RPAP3: variants seen among roughly 807,000 people sequenced by gnomAD.
RPAP3 encodes the protein RNA polymerase II associated protein 3.
Under a neutral mutation model 88.8 loss-of-function variants are expected in RPAP3, and 58 were observed. That is an observed-to-expected ratio of 0.65 (90% CI 0.53 to 0.81). The LOEUF (loss-of-function observed/expected upper bound fraction) is 0.81. RPAP3 is among the 40% of genes least tolerant of loss of function. The probability of loss-of-function intolerance (pLI) is 0.00; values close to 1 mark genes in which losing one functional copy is unlikely to be tolerated. For synonymous variants in RPAP3, 255 were observed against 259.9 expected (o/e 0.98, Z 0.18); for missense variants, 751 against 764.3 (o/e 0.98, Z 0.20).
At chr12:47,672,918 A>T (rs768767045) in intron 12 of RPAP3, among the ~76,000 whole-genome samples, 2 of 152,232 alleles carry the variant, frequency 1.3e-5, no homozygotes, top group Non-Finnish European at 2.9e-5. Context: ...TCACGTGGCA[A>T]TGTCTTTATA....
intron 7 of RPAP3, among the ~76,000 whole-genome samples, chr12:47,688,654 A>C (rs1939371272): frequency 6.6e-6 from 1 of 152,206 alleles, no homozygotes. Context: ...TCTCAAATTC[A>C]ATATTCACAG....
At chr12:47,703,659 C>T (rs1258003040) in intron 1 of RPAP3, among the ~76,000 whole-genome samples, 1 of 151,934 alleles carries the variant, frequency 6.6e-6, no homozygotes, top group Non-Finnish European at 1.5e-5. Flanking sequence ...CAAAGGGGCC[C>T]GCCAAGTGAC....
In RPAP3 at chr12:47,696,391, A is replaced by G; in HGVS notation, c.430T>C (p.Phe144Leu). Reference sequence around the variant, plus strand: ...GCTTCATCATATTTTCCTTGTTTGAAGTATTTATTGCCCTGAAAGAAAATT... The same window carrying G: ...GCTTCATCATATTTTCCTTGTTTGAGGTATTTATTGCCCTGAAAGAAAATT... ...LVLKEKGNKY[F>L]KQGKYDEAID... Residue 144 changes from phenylalanine (F) to leucine (L), a missense_variant, in exon 5 of 17, where the codon TTC becomes CTC. Phe to Leu is a conservative substitution (Grantham distance 22). Transcript: ENST00000005386. 1 of 1,580,354 alleles carries G rather than the reference A, an allele frequency of 6.3e-7. No homozygotes were observed. The highest frequency in any genetic ancestry group is 8.6e-7 in the Non-Finnish European group (1 of 1,161,472).
At chr12:47,697,533 G>A (rs1043653339) in intron 4 of RPAP3, 64 bp downstream of exon 4, 17 of 1,448,222 alleles carry the variant, frequency 1.2e-5, no homozygotes, top group Middle Eastern at 1.9e-4. Flanking sequence ...GAAACTTTAC[G>A]ATCCACATGA....
At position 47,670,240 on chromosome 12, in the gene RPAP3, GATTA is replaced by G; in HGVS notation, c.1389_1392del (p.Asn464Ter). 1.2e-6 allele frequency: 2 copies of G among 1,613,166 alleles called. No individual in the cohort carries two copies. Among genetic ancestry groups the G allele is most frequent in the Non-Finnish European group, 1.7e-6 (2 of 1,179,222 alleles). On this transcript the variant is annotated frameshift_variant, in exon 13 of 17. Transcript: ENST00000005386. LOFTEE classifies it high-confidence loss of function. ...CCTGTGGCTGCTATTACATTTGCTA[GATTA>G]ATAGGATTATTCTCTGGAGCAGCAG...
rs144717511 is a variant in RPAP3, at chr12:47,689,651, T to C, written c.668-456A>G. ...ACTGTGCAGAGCCAAGCCACTGAACTTTCTTCTTCTCCCCCCAGGGCAGAC... is the reference window on the plus strand; with the variant it reads ...ACTGTGCAGAGCCAAGCCACTGAACCTTCTTCTTCTCCCCCCAGGGCAGAC... On this transcript the variant is annotated intron_variant, in intron 6 of 16. Transcript: ENST00000005386. Among the ~76,000 whole-genome samples, 23 of 143,916 alleles carry C rather than the reference T, an allele frequency of 1.6e-4. No individual in the cohort carries two copies. In the East Asian group the frequency reaches 4.0e-3, roughly 25 times the overall value. 94.4% of individuals were successfully genotyped at this position (143,916 alleles called of 152,430 possible). A position where few individuals can be genotyped will look rare whatever the true frequency, so the allele number is the denominator to read the frequency against.
Position 47,675,445 on chromosome 12 carries a change from A to G in RPAP3, c.1287+4048T>C, listed in dbSNP as rs546690587. Among the ~76,000 whole-genome samples, 34 of 152,310 alleles carry G rather than the reference A, an allele frequency of 2.2e-4. 1 individual carries two copies. The highest frequency in any genetic ancestry group is 7.9e-4 in the African/African-American group (33 of 41,574). Reference sequence around the variant, plus strand: ...GCTAAATGCCCCAATTAAAACACAAAGACTGCAAATTGGATAGAGTAAAGA... The same window carrying G: ...GCTAAATGCCCCAATTAAAACACAAGGACTGCAAATTGGATAGAGTAAAGA... On this transcript the variant is annotated intron_variant, in intron 12 of 16. Transcript: ENST00000005386.
At position 47,680,977 on chromosome 12, in the gene RPAP3, A is replaced by C. The variant is rs971914764; in HGVS notation, c.1114+719T>G. On this transcript the variant is annotated intron_variant, in intron 10 of 16. Coordinates refer to ENST00000005386, the MANE Select transcript of RPAP3 (RefSeq NM_024604.3). ...AAAAAAAACAAAAAAACGAAACAAA[A>C]AAAAAAAAACAGGCTGAAATCATTT... Among the ~76,000 whole-genome samples, 9 of 152,086 alleles carry C rather than the reference A, an allele frequency of 5.9e-5. No homozygotes were observed. In the South Asian group the frequency reaches 1.7e-3, roughly 28 times the overall value.
rs1316208225 is a variant in RPAP3 at position 47,705,980 on chromosome 12, C to T, written c.-35G>A. The T allele has an allele frequency of 2.0e-5, 3 of 153,074 alleles. No individual in the cohort carries two copies. In the Admixed American group the frequency reaches 2.0e-4, roughly 10 times the overall value. 9.5% of individuals were successfully genotyped at this position (153,074 alleles called of 1,614,324 possible). On this transcript the variant is annotated 5_prime_UTR_variant, in exon 1 of 17. Transcript: ENST00000005386. The stretch of plus-strand genomic sequence containing the variant: ...ACCAGGCCGTAACCCGCCGCACTGC[C>T]ACCCCGTCAGCCCCGCAGCGACTCA...
Position 47,667,015 on chromosome 12 carries a change from A to G in RPAP3, c.1877T>C (p.Met626Thr), listed in dbSNP as rs779558901. The change falls in exon 16 of 17, where the codon ATG becomes ACG. Residue 626 changes from methionine to threonine, a missense_variant. Transcript: ENST00000005386. The part of the protein sequence containing the change: ...QRLSELKRFD[M>T]AVMFMSETEK... ...TGTTTCTGACATAAACATCACTGCC[A>G]TATCAAACCTTTTTAGTTCAGAAAG... is the stretch of plus-strand genomic sequence containing the variant. 2.6e-6 allele frequency: 4 copies of G among 1,546,738 alleles called. No homozygotes were observed. The African/African-American group carries it at 4.3e-5, about 16-fold the overall frequency.
chr12:47,675,473 C>T (rs533532171), intron 12 of RPAP3, among the ~76,000 whole-genome samples: 1 of 152,180 alleles, frequency 6.6e-6, no homozygotes, highest in East Asian at 1.9e-4. Context: ...AGTAAAGACC[C>T]ATCAGTGTGC....
chr12:47,685,358 G>A (rs1347133412), intron 9 of RPAP3, among the ~76,000 whole-genome samples: 1 of 144,598 alleles, frequency 6.9e-6, no homozygotes, highest in Non-Finnish European at 1.5e-5. Context: ...CAGCCTGGGT[G>A]ACAGAGGGGG....
chr12:47,672,087 GA>G (rs60063883), intron 12 of RPAP3, among the ~76,000 whole-genome samples: 6 of 150,138 alleles, frequency 4.0e-5, no homozygotes, highest in Non-Finnish European at 8.9e-5. Context: ...GACAAATGAA[GA>G]AAAAAAAAGG....
At chr12:47,685,590 A>T (rs963774882) in intron 9 of RPAP3, among the ~76,000 whole-genome samples, 2 of 152,202 alleles carry the variant, frequency 1.3e-5, no homozygotes, top group Non-Finnish European at 2.9e-5. Context: ...TTCAGAAGAC[A>T]AAGAGCTAAG....
At chr12:47,691,996 C>T (rs1373621150) in intron 5 of RPAP3, among the ~76,000 whole-genome samples, 1 of 152,142 alleles carries the variant, frequency 6.6e-6, no homozygotes, top group African/African-American at 2.4e-5. Context: ...CTGCCCGCCT[C>T]GGCCTCCCAC....
At chr12:47,676,338 T>C (rs563834807) in intron 12 of RPAP3, among the ~76,000 whole-genome samples, 1 of 152,058 alleles carries the variant, frequency 6.6e-6, no homozygotes, top group East Asian at 1.9e-4. Flanking sequence ...TTAAAAGAAC[T>C]AGAGAAGCAA....
At chr12:47,664,386 T>C (rs1362450172) in intron 16 of RPAP3, among the ~76,000 whole-genome samples, 2 of 151,612 alleles carry the variant, frequency 1.3e-5, no homozygotes, top group Non-Finnish European at 1.5e-5. Context: ...CGAGACTCCA[T>C]CTCAAAAAAT....
chr12:47,682,846 T>C (rs1303846076), intron 9 of RPAP3, among the ~76,000 whole-genome samples: 2 of 152,196 alleles, frequency 1.3e-5, no homozygotes, highest in African/African-American at 4.8e-5. Flanking sequence ...AGAATATATC[T>C]GTGTTCATGC....
rs1460813801 is a variant in RPAP3, at chr12:47,670,264, C to T, written c.1369G>A (p.Ala457Thr). ...IDVPDSTTAAAPENNPINLAN... is the reference protein window; with the variant it reads ...IDVPDSTTAATPENNPINLAN... ...AGATTAATAGGATTATTCTCTGGAG[C>T]AGCAGCAGTAGTGCTATCTGGCACA... is the stretch of plus-strand genomic sequence containing the variant. The change falls in exon 13 of 17, where the codon GCT becomes ACT. Residue 457 changes from alanine (A) to threonine (T), a missense_variant. Physicochemically the swap from Ala to Thr is moderately conservative, Grantham distance 58. Coordinates refer to ENST00000005386, the MANE Select transcript of RPAP3 (RefSeq NM_024604.3). 6.2e-7 allele frequency: 1 copy of T among 1,613,288 alleles called. No homozygotes were observed. The highest frequency in any genetic ancestry group is 8.5e-7 in the Non-Finnish European group (1 of 1,179,362).
Sources: gnomAD v4.1 joint callset for allele counts (sites outside exome capture counted in the v4.1 genomes callset) on GRCh38, gnomAD v4.1.1 for gene constraint, MANE v1.5 for transcripts, NCBI Gene and HGNC (gene_info 2026-07-23, HGNC 2026-07-21) for gene names.